PIWIL1: variants seen among roughly 807,000 people sequenced by gnomAD.
PIWIL1 encodes the protein piwi like RNA-mediated gene silencing 1, also known as piwi-like protein 1.
Under a neutral mutation model 114.4 loss-of-function variants are expected in PIWIL1, and 73 were observed. The observed-to-expected ratio is 0.64, with a 90% CI of 0.53 to 0.78. PIWIL1 has a LOEUF of 0.78. Ranked by LOEUF, PIWIL1 falls within the 30% of genes least tolerant of loss-of-function variation. The pLI, the probability that PIWIL1 is intolerant of heterozygous loss-of-function variation, is 0.00. For missense variants in PIWIL1, 723 were observed against 1,063.1 expected (o/e 0.68, Z 4.45); for synonymous variants, 375 against 369.0 (o/e 1.02, Z -0.19).
At chr12:130,378,696 G>T in the PIWIL1 span, among the ~76,000 whole-genome samples, 1 of 152,042 alleles carries the variant, frequency 6.6e-6, no homozygotes, top group African/African-American at 2.4e-5. Context: ...GTTATTGTTT[G>T]CATTTCCCTG....
At chr12:130,395,966 C>G in the PIWIL1 span, among the ~76,000 whole-genome samples, 9 of 150,432 alleles carry the variant, frequency 6.0e-5, no homozygotes, top group African/African-American at 2.0e-4. Context: ...ATGAGAGTGT[C>G]ACAACATTGT....
intron 9 of PIWIL1, among the ~76,000 whole-genome samples, chr12:130,354,090 G>A (rs1353802016): frequency 1.3e-5 from 2 of 152,152 alleles, no homozygotes; most frequent in East Asian, 1.9e-4. Context: ...AACCTGCCCT[G>A]TAGCGTAGGA....
the PIWIL1 span, chr12:130,413,983 C>A: frequency 1.2e-5 from 11 of 887,360 alleles, no homozygotes; most frequent in Non-Finnish European, 3.5e-6. Context: ...GTCACAGCAC[C>A]ATGCCACCTC....
chr12:130,413,880 C>G, the PIWIL1 span, among the ~76,000 whole-genome samples: 1 of 152,148 alleles, frequency 6.6e-6, no homozygotes, highest in African/African-American at 2.4e-5. Context: ...CTAATAGAAT[C>G]CAGAGTTCAC....
chr12:130,418,427 A>G, the PIWIL1 span, among the ~76,000 whole-genome samples: 1 of 152,330 alleles, frequency 6.6e-6, no homozygotes, highest in East Asian at 1.9e-4. Flanking sequence ...CCCTGCTCAC[A>G]CCCAGGGATG....
chr12:130,423,629 A>G, the PIWIL1 span, among the ~76,000 whole-genome samples: 2 of 151,348 alleles, frequency 1.3e-5, no homozygotes, highest in Non-Finnish European at 2.9e-5. Flanking sequence ...GAAATGGGAA[A>G]AAAACAAGAA....
chr12:130,339,181 ACGGCCGGGCT>A (rs2072823574), intron 1 of PIWIL1, among the ~76,000 whole-genome samples: 1 of 151,972 alleles, frequency 6.6e-6, no homozygotes. Context: ...GGCGACCGCG[ACGGCCGGGCT>A]CTGCGAGGCC....
At chr12:130,406,967 G>A in the PIWIL1 span, among the ~76,000 whole-genome samples, 2 of 152,146 alleles carry the variant, frequency 1.3e-5, 1 homozygote, top group Admixed American at 1.3e-4. Context: ...CAGTGTCTAC[G>A]ATGGGCCGGG....
the PIWIL1 span, among the ~76,000 whole-genome samples, chr12:130,387,614 A>AC: frequency 9.4e-6 from 1 of 106,484 alleles, no homozygotes; most frequent in Non-Finnish European, 1.9e-5. Context: ...CATGCACACT[A>AC]CCCCTTCCTG....
Position 130,361,548 on chromosome 12 carries a change from T to G in PIWIL1, c.1917T>G (p.Ala639=). 6.2e-7 allele frequency: 1 copy of G among 1,614,216 alleles called. No individual in the cohort carries two copies. The highest frequency in any genetic ancestry group is 1.1e-5 in the South Asian group (1 of 91,070). ...VGIDCYHDMT[A]GRRSIAGFVA... ...TCGATTGTTACCATGACATGACAGC[T>G]GGGCGGAGGTCAATCGCAGGATTTG... Residue 639 remains alanine (A), a synonymous_variant, in exon 16 of 21, where the codon GCT becomes GCG. Coordinates refer to ENST00000245255, the MANE Select transcript of PIWIL1 (RefSeq NM_004764.5).
At chr12:130,416,193 T>C in the PIWIL1 span, among the ~76,000 whole-genome samples, 6 of 152,214 alleles carry the variant, frequency 3.9e-5, no homozygotes, top group Admixed American at 3.9e-4. Flanking sequence ...CAAACTTCCA[T>C]TGTCATTTTA....
the PIWIL1 span, among the ~76,000 whole-genome samples, chr12:130,390,205 A>G: frequency 6.6e-5 from 10 of 152,180 alleles, no homozygotes; most frequent in African/African-American, 2.4e-4. Flanking sequence ...AGGTATTTTA[A>G]TCTTTTCTGA....
intron 19 of PIWIL1, 84 bp from the exon 20 acceptor site, chr12:130,371,092 G>A: frequency 1.8e-6 from 2 of 1,121,780 alleles, no homozygotes; most frequent in Admixed American, 1.8e-5. Flanking sequence ...ACAGTGAAGA[G>A]TGGTACAGAG....
the PIWIL1 span, among the ~76,000 whole-genome samples, chr12:130,387,811 G>A: frequency 6.6e-6 from 1 of 152,206 alleles, no homozygotes; most frequent in African/African-American, 2.4e-5. Flanking sequence ...ATGTACATGG[G>A]TCAGTATTAA....
At position 130,361,074 on chromosome 12, in the gene PIWIL1, T is replaced by A. The variant is rs897814870; in HGVS notation, c.1666-106T>A. 3 of 872,392 alleles carry A rather than the reference T, an allele frequency of 3.4e-6. No homozygotes were observed. In the African/African-American group the frequency reaches 5.0e-5, roughly 15 times the overall value. The allele number at this position is 872,392 out of a possible 1,614,324, so 54.0% of individuals were successfully genotyped here. A position where few individuals can be genotyped will look rare whatever the true frequency, so the allele number is the denominator to read the frequency against. On this transcript the variant is annotated intron_variant, in intron 14 of 20. Transcript: ENST00000245255. The stretch of plus-strand genomic sequence containing the variant: ...AAATGAATAGTAAAATAAATGATCA[T>A]GTTCTTGACATTGATACTTCACAGG...
chr12:130,368,549 A>G (rs577120142), intron 19 of PIWIL1, among the ~76,000 whole-genome samples: 2 of 152,310 alleles, frequency 1.3e-5, no homozygotes, highest in South Asian at 4.1e-4. Flanking sequence ...GCATTGGCTT[A>G]GGTTACAAGG....
At chr12:130,345,948 T>G (rs537342462) in intron 4 of PIWIL1, 70 bp downstream of exon 4, 13 of 1,537,974 alleles carry the variant, frequency 8.5e-6, no homozygotes, top group Non-Finnish European at 1.2e-5. Context: ...TGAGGCACTT[T>G]AGTTTAGGTG....
chr12:130,354,390 C>T lies in PIWIL1; in HGVS notation c.1045-147C>T, dbSNP rs553003614. The T allele has an allele frequency of 4.2e-6, 4 of 962,242 alleles. No homozygotes were observed. The South Asian group carries it at 4.7e-5, about 11-fold the overall frequency. The allele number at this position is 962,242 out of a possible 1,614,324, so 59.6% of individuals were successfully genotyped here. The stretch of plus-strand genomic sequence containing the variant: ...TGTTTTAAGAATGTTAAAAAAAATG[C>T]CTTTTTAAAACTTTACTCTGAAGCT... On this transcript the variant is annotated intron_variant, in intron 9 of 20. Coordinates refer to ENST00000245255, the MANE Select transcript of PIWIL1 (RefSeq NM_004764.5).
At chr12:130,395,553 A>T in the PIWIL1 span, among the ~76,000 whole-genome samples, 45 of 152,330 alleles carry the variant, frequency 3.0e-4, no homozygotes, top group African/African-American at 1.0e-3. Flanking sequence ...TTAGAGAAAC[A>T]TTAGTTCTGG....
Sources: gnomAD v4.1 joint callset for allele counts (sites outside exome capture counted in the v4.1 genomes callset) on GRCh38, gnomAD v4.1.1 for gene constraint, MANE v1.5 for transcripts, NCBI Gene and HGNC (gene_info 2026-07-23, HGNC 2026-07-21) for gene names.